Variants in ZNF197 observed in about 807,000 individuals in gnomAD.
ZNF197 encodes the protein VHL-associated KRAB-A domain-containing protein.
In ZNF197, 14 loss-of-function variants were observed where a neutral mutation model predicts 27.4. The ratio of observed to expected loss-of-function variants is 0.51; its 90% CI spans 0.34 to 0.80. The LOEUF (loss-of-function observed/expected upper bound fraction) is 0.80, where lower values mean the gene tolerates loss of function less well. Among genes scored for constraint, ZNF197 ranks in the 30% least tolerant of loss-of-function variants. The probability of loss-of-function intolerance (pLI) is 0.02; values close to 1 mark genes in which losing one functional copy is unlikely to be tolerated. For missense variants in ZNF197, 1,090 were observed against 1,222.6 expected, an observed-to-expected ratio of 0.89 and a Z score of 1.62; for synonymous variants, 415 against 420.0, an observed-to-expected ratio of 0.99 and a Z score of 0.15.
In ZNF197 at chr3:44,631,325, C is replaced by T. The variant is rs574565196; in HGVS notation, c.550+104C>T. On this transcript the variant is annotated intron_variant, in intron 3 of 5. Coordinates refer to ENST00000344387, the MANE Select transcript of ZNF197 (RefSeq NM_006991.5). Reference sequence around the variant, plus strand: ...TTCCTCTGCTACCCTGTCTAGGAGTCTCTTACAGTGCCAATTTCTTTCTGC... The same window carrying T: ...TTCCTCTGCTACCCTGTCTAGGAGTTTCTTACAGTGCCAATTTCTTTCTGC... 5.5e-5 allele frequency: 78 copies of T among 1,408,068 alleles called. No homozygotes were observed. The East Asian group carries it at 1.7e-3, about 31-fold the overall frequency. 87.2% of individuals were successfully genotyped at this position (1,408,068 alleles called of 1,614,324 possible). A position where few individuals can be genotyped will look rare whatever the true frequency, so the allele number is the denominator to read the frequency against.
intron 5 of ZNF197, among the ~76,000 whole-genome samples, chr3:44,637,000 G>A (rs929554637): frequency 9.9e-5 from 15 of 152,090 alleles, no homozygotes; most frequent in African/African-American, 1.2e-4. Context: ...CTATATGTAC[G>A]TCTTCGGAGA....
chr3:44,645,610 C>G lies in ZNF197; in HGVS notation c.*1390C>G, dbSNP rs895338501. 4 of 985,220 alleles carry G rather than the reference C, an allele frequency of 4.1e-6. No homozygotes were observed. The highest frequency in any genetic ancestry group is 4.8e-6 in the Non-Finnish European group (4 of 829,918). The allele number at this position is 985,220 out of a possible 1,614,324, so 61.0% of individuals were successfully genotyped here. On this transcript the variant is annotated 3_prime_UTR_variant, in exon 6 of 6. Coordinates refer to ENST00000344387, the MANE Select transcript of ZNF197 (RefSeq NM_006991.5). ...GGAAGGGCAGTGGTACCCTGCTTTCCCTATTCAGAGGGAAAAAAATCCTTG... is the reference window on the plus strand; with the variant it reads ...GGAAGGGCAGTGGTACCCTGCTTTCGCTATTCAGAGGGAAAAAAATCCTTG...
In ZNF197 at chr3:44,644,914, T is replaced by G. The variant is rs1702871095; in HGVS notation, c.*694T>G. 2 of 983,688 alleles carry G rather than the reference T, an allele frequency of 2.0e-6. No homozygotes were observed. Among genetic ancestry groups the G allele is most frequent in the Admixed American group, 6.1e-5 (1 of 16,270 alleles). The allele number at this position is 983,688 out of a possible 1,614,324, so 60.9% of individuals were successfully genotyped here. A position where few individuals can be genotyped will look rare whatever the true frequency, so the allele number is the denominator to read the frequency against. On this transcript the variant is annotated 3_prime_UTR_variant, in exon 6 of 6. Transcript: ENST00000344387. The stretch of plus-strand genomic sequence containing the variant: ...ATTTAATAATAAAAAGTGGACATTG[T>G]TTTTTAAAATGTGTATAGTATGCAT...
In ZNF197 at chr3:44,641,969, A is replaced by G; in HGVS notation, c.839A>G (p.His280Arg). The G allele has an allele frequency of 6.2e-7, 1 of 1,613,242 alleles. No homozygotes were observed. Residue 280 changes from histidine (H) to arginine (R), a missense_variant, in exon 6 of 6, where the codon CAT (histidine) becomes CGT (arginine). Transcript: ENST00000344387. ...AGTAGTTCTCAAAGAGCAGACTCTC[A>G]TAAAGGAACATCAAAAAGACTTCAA... Reference protein sequence around the residue: ...KPSSSQRADSHKGTSKRLQGS... With the variant: ...KPSSSQRADSRKGTSKRLQGS...
intron 5 of ZNF197, among the ~76,000 whole-genome samples, chr3:44,633,526 C>G (rs1278923648): frequency 6.6e-6 from 1 of 152,208 alleles, no homozygotes; most frequent in African/African-American, 2.4e-5. Flanking sequence ...AGCATTTATA[C>G]TGGAACTTGA....
At chr3:44,630,564 T>C (rs1334180934) in intron 2 of ZNF197, among the ~76,000 whole-genome samples, 1 of 152,202 alleles carries the variant, frequency 6.6e-6, no homozygotes, top group East Asian at 1.9e-4. Flanking sequence ...AAATTACTAA[T>C]ACATCCTCAT....
rs772593820 is a variant in ZNF197, at chr3:44,642,373, A to T, written c.1243A>T (p.Met415Leu). Residue 415 changes from methionine to leucine, a missense_variant, in exon 6 of 6, where the codon ATG becomes TTG. By Grantham distance (15) the Met-to-Leu change is conservative. Transcript: ENST00000344387. ...CTTTATTCAGCGTTCGAGCCTTCTA[A>T]TGCATTTACGGAACCATTCAGGGGA... Reference protein sequence around the residue: ...KGFIQRSSLLMHLRNHSGEKP... With the variant: ...KGFIQRSSLLLHLRNHSGEKP... The T allele has an allele frequency of 6.2e-7, 1 of 1,614,142 alleles. No individual in the cohort carries two copies. The highest frequency in any genetic ancestry group is 8.5e-7 in the Non-Finnish European group (1 of 1,180,024).
At chr3:44,641,702 C>A (rs1289304067) in intron 5 of ZNF197, among the ~76,000 whole-genome samples, 198 bp from the exon 6 acceptor site, 1 of 152,182 alleles carries the variant, frequency 6.6e-6, no homozygotes, top group Admixed American at 6.5e-5. Context: ...AATGTCTCAA[C>A]CTGAGTTGTA....
intron 2 of ZNF197, 40 bp from the exon 3 acceptor site, chr3:44,631,022 T>A (rs1559463656): frequency 6.2e-7 from 1 of 1,613,258 alleles, no homozygotes; most frequent in South Asian, 1.1e-5. Flanking sequence ...TCCATTTTCT[T>A]AAGAAACAAG....
chr3:44,631,205 C>T lies in ZNF197; in HGVS notation c.534C>T (p.Leu178=), dbSNP rs763933800. The stretch of plus-strand genomic sequence containing the variant: ...CTACTGACCTAGTGGCATTCAACCT[C>T]CAGGATCCTCAGCATGGTATTTACT... The part of the protein sequence containing the change: ...HPPTDLVAFN[L]QDPQHDSPAP... The change falls in exon 3 of 6, where the codon CTC becomes CTT. Residue 178 remains leucine, a synonymous_variant. Coordinates refer to ENST00000344387, the MANE Select transcript of ZNF197 (RefSeq NM_006991.5). 12 of 1,614,140 alleles carry T rather than the reference C, an allele frequency of 7.4e-6. No homozygotes were observed. In the South Asian group the frequency reaches 1.3e-4, roughly 18 times the overall value.
chr3:44,625,566 A>C (rs964434870), intron 1 of ZNF197, among the ~76,000 whole-genome samples: 6 of 152,028 alleles, frequency 3.9e-5, no homozygotes, highest in African/African-American at 1.5e-4. Flanking sequence ...TGTTTGTTTT[A>C]AGGGGTGGAA....
intron 5 of ZNF197, among the ~76,000 whole-genome samples, chr3:44,634,052 C>T (rs758194254): frequency 2.0e-5 from 3 of 152,126 alleles, no homozygotes; most frequent in Non-Finnish European, 4.4e-5. Flanking sequence ...TTATTTTCTA[C>T]CAATGATACT....
In ZNF197 at chr3:44,642,040, C is replaced by A. The variant is rs766589423; in HGVS notation, c.910C>A (p.Gln304Lys). ...VLDFEEECEW[Q>K]VLASQWGNET... Reference sequence around the variant, plus strand: ...TGATTTTGAAGAAGAGTGTGAATGGCAAGTTTTGGCAAGTCAGTGGGGAAA... The same window carrying A: ...TGATTTTGAAGAAGAGTGTGAATGGAAAGTTTTGGCAAGTCAGTGGGGAAA... The change falls in exon 6 of 6, where the codon CAA becomes AAA. Residue 304 changes from glutamine to lysine, a missense_variant. Physicochemically the swap from Gln to Lys is moderately conservative, Grantham distance 53. Transcript: ENST00000344387. 6.2e-7 allele frequency: 1 copy of A among 1,613,966 alleles called. No individual in the cohort carries two copies. Among genetic ancestry groups the A allele is most frequent in the Non-Finnish European group, 8.5e-7 (1 of 1,179,962 alleles).
Position 44,642,961 on chromosome 3 carries a change from G to T in ZNF197, c.1831G>T (p.Asp611Tyr), listed in dbSNP as rs1436951873. 1 of 1,613,692 alleles carries T rather than the reference G, an allele frequency of 6.2e-7. No homozygotes were observed. The highest frequency in any genetic ancestry group is 1.7e-5 in the Admixed American group (1 of 59,930). The change falls in exon 6 of 6, where the codon GAC becomes TAC. Residue 611 changes from aspartate (D) to tyrosine (Y), a missense_variant. Physicochemically the swap from Asp to Tyr is radical, Grantham distance 160. Transcript: ENST00000344387. Reference protein sequence around the residue: ...KIFSSKSNFIDHKRMHSREKP... With the variant: ...KIFSSKSNFIYHKRMHSREKP... ...TTTCAGTTCTAAGTCAAACTTCATT[G>T]ACCATAAGAGGATGCACAGCAGAGA...
In ZNF197 at chr3:44,646,497, G is replaced by A. The variant is rs575216962; in HGVS notation, c.*2277G>A. ...TCTTGGACCTCATTGCCAGGTTACAGGAAATACAGGAGGCAGAGGAACAAA... is the reference window on the plus strand; with the variant it reads ...TCTTGGACCTCATTGCCAGGTTACAAGAAATACAGGAGGCAGAGGAACAAA... On this transcript the variant is annotated 3_prime_UTR_variant, in exon 6 of 6. Transcript: ENST00000344387. The A allele has an allele frequency of 6.3e-7, 1 of 1,581,048 alleles. No homozygotes were observed. Among genetic ancestry groups the A allele is most frequent in the East Asian group, 2.2e-5 (1 of 44,674 alleles).
intron 1 of ZNF197, among the ~76,000 whole-genome samples, chr3:44,626,618 C>A (rs1176968364): frequency 2.0e-5 from 3 of 152,148 alleles, no homozygotes; most frequent in Non-Finnish European, 4.4e-5. Context: ...ACAAATGACT[C>A]TATATTAATT....
chr3:44,632,385 CAG>C (rs1332960213), intron 4 of ZNF197, 86 bp from the exon 5 acceptor site: 16 of 1,532,314 alleles, frequency 1.0e-5, no homozygotes, highest in Non-Finnish European at 1.2e-5. Flanking sequence ...CATGGCCTCA[CAG>C]TGTATCCCTT....
At position 44,644,008 on chromosome 3, in the gene ZNF197, T is replaced by G. The variant is rs140904465; in HGVS notation, c.2878T>G (p.Cys960Gly). The G allele has an allele frequency of 1.4e-3, 2,246 of 1,614,066 alleles. 7 individuals are homozygous for G. The highest frequency in any genetic ancestry group is 2.8e-3 in the South Asian group (254 of 91,058). ...RIHTGEKPYG[C>G]NDCSKVFRQR... The stretch of plus-strand genomic sequence containing the variant: ...TCACACAGGGGAGAAACCCTATGGG[T>G]GTAATGATTGTAGTAAAGTTTTTAG... The change falls in exon 6 of 6, where the codon TGT (cysteine) becomes GGT (glycine). Residue 960 changes from cysteine (C) to glycine (G), a missense_variant. By Grantham distance (159) the Cys-to-Gly change is radical (BLOSUM62 -3). Coordinates refer to ENST00000344387, the MANE Select transcript of ZNF197 (RefSeq NM_006991.5).
At chr3:44,638,457 A>C (rs916885095) in intron 5 of ZNF197, among the ~76,000 whole-genome samples, 1 of 152,088 alleles carries the variant, frequency 6.6e-6, no homozygotes, top group African/African-American at 2.4e-5. Flanking sequence ...TTTATATATT[A>C]GTTTTAATAG....
Sources: allele counts gnomAD v4.1 joint callset (sites outside exome capture counted in the v4.1 genomes callset), GRCh38; gene constraint gnomAD v4.1.1; transcripts MANE v1.5; gene names NCBI Gene and HGNC (gene_info 2026-07-23, HGNC 2026-07-21).